PPM1H: variants seen among roughly 807,000 people sequenced by gnomAD.
PPM1H encodes protein phosphatase, Mg2+/Mn2+ dependent 1H.
In PPM1H, 27 loss-of-function variants were observed where a neutral mutation model predicts 54.9. The ratio of observed to expected loss-of-function variants is 0.49; its 90% CI spans 0.36 to 0.68. The LOEUF is 0.68. Among genes scored for constraint, PPM1H ranks in the 30% least tolerant of loss-of-function variants. The pLI, the probability that PPM1H is intolerant of heterozygous loss-of-function variation, is 0.00. For synonymous variants in PPM1H, 305 were observed against 270.8 expected, an observed-to-expected ratio of 1.13 and a Z score of -1.24; for missense variants, 596 against 667.8, an observed-to-expected ratio of 0.89 and a Z score of 1.19.
intron 3 of PPM1H, among the ~76,000 whole-genome samples, chr12:62,801,341 G>A (rs2076768011): frequency 4.0e-5 from 6 of 150,568 alleles, no homozygotes; most frequent in Admixed American, 2.6e-4. Flanking sequence ...TTTTTGAGAC[G>A]CAGTCTCGGT....
At position 62,720,208 on chromosome 12, in the gene PPM1H, T is replaced by G; in HGVS notation, c.1036A>C (p.Lys346Gln). 6.2e-7 allele frequency: 1 copy of G among 1,613,346 alleles called. No homozygotes were observed. The highest frequency in any genetic ancestry group is 8.5e-7 in the Non-Finnish European group (1 of 1,179,274). ...PRRVQRKELG[K>Q]KMLYRDFNMT... ...TTAAAGTCCCTGTAGAGCATCTTCT[T>G]TCCAAGCTCCTTTCTCTGTACTCTC... Residue 346 changes from lysine to glutamine, a missense_variant, in exon 6 of 10, where the codon AAG becomes CAG. Around this residue, in one of 3 missense-constraint regions of PPM1H, gnomAD observed 208 missense variants for 259.5 expected, o/e 0.80. Coordinates refer to ENST00000228705, the MANE Select transcript of PPM1H (RefSeq NM_020700.2).
intron 1 of PPM1H, among the ~76,000 whole-genome samples, chr12:62,886,171 G>A (rs1466082423): frequency 3.3e-5 from 5 of 152,084 alleles, no homozygotes; most frequent in Non-Finnish European, 7.3e-5. Context: ...TATTGTCTTT[G>A]GGCCTTTATA....
chr12:62,784,244 G>A (rs1174703874), intron 4 of PPM1H, among the ~76,000 whole-genome samples: 1 of 152,122 alleles, frequency 6.6e-6, no homozygotes, highest in Non-Finnish European at 1.5e-5. Context: ...AGGTACTCGC[G>A]TCACTGTGGA....
intron 8 of PPM1H, among the ~76,000 whole-genome samples, chr12:62,682,641 T>C (rs1201466148): frequency 1.3e-5 from 2 of 152,074 alleles, no homozygotes; most frequent in Non-Finnish European, 2.9e-5. Context: ...GTAGCTGAGA[T>C]TACAGGTGTG....
chr12:62,770,490 C>G (rs575627856), intron 4 of PPM1H, among the ~76,000 whole-genome samples: 2 of 152,220 alleles, frequency 1.3e-5, no homozygotes, highest in South Asian at 4.2e-4. Flanking sequence ...GTTTTACATA[C>G]TGGGCCTCTG....
chr12:62,805,099 C>T (rs1212619759), intron 2 of PPM1H, among the ~76,000 whole-genome samples: 1 of 152,092 alleles, frequency 6.6e-6, no homozygotes, highest in Non-Finnish European at 1.5e-5. Flanking sequence ...AAGTGGCTAA[C>T]AAGTATATGA....
intron 6 of PPM1H, among the ~76,000 whole-genome samples, chr12:62,697,250 C>T (rs2076119969): frequency 6.6e-6 from 1 of 152,024 alleles, no homozygotes; most frequent in Admixed American, 6.5e-5. Context: ...CCTTAGCCTC[C>T]CAAGTAGCTG....
intron 1 of PPM1H, among the ~76,000 whole-genome samples, chr12:62,837,769 G>A (rs936873916): frequency 1.3e-5 from 2 of 152,198 alleles, no homozygotes; most frequent in Non-Finnish European, 2.9e-5. Flanking sequence ...TACACCAAAT[G>A]CAAAGCTAGC....
At chr12:62,742,849 C>T (rs927100563) in intron 4 of PPM1H, among the ~76,000 whole-genome samples, 1 of 152,114 alleles carries the variant, frequency 6.6e-6, no homozygotes, top group African/African-American at 2.4e-5. Context: ...ATAACCATTC[C>T]CATACAGAGG....
intron 8 of PPM1H, among the ~76,000 whole-genome samples, chr12:62,676,803 C>T (rs935118242): frequency 5.3e-5 from 8 of 152,030 alleles, no homozygotes; most frequent in African/African-American, 1.4e-4. Flanking sequence ...GCCAGGGTGT[C>T]GTGGATGACA....
chr12:62,764,425 A>C (rs1246115785), intron 4 of PPM1H, among the ~76,000 whole-genome samples: 1 of 152,158 alleles, frequency 6.6e-6, no homozygotes, highest in Non-Finnish European at 1.5e-5. Flanking sequence ...AGCTATTCTG[A>C]ATAAAAACAT....
intron 1 of PPM1H, among the ~76,000 whole-genome samples, chr12:62,843,753 AT>A (rs1404198409): frequency 1.3e-5 from 2 of 151,180 alleles, no homozygotes; most frequent in African/African-American, 4.9e-5. Context: ...AAAGTACTTT[AT>A]TTTAACTGAA....
chr12:62,860,807 T>A (rs1232127569), intron 1 of PPM1H, among the ~76,000 whole-genome samples: 1 of 152,248 alleles, frequency 6.6e-6, no homozygotes, highest in East Asian at 1.9e-4. Context: ...GCAGTTTGAA[T>A]TGTTGCTATT....
intron 5 of PPM1H, among the ~76,000 whole-genome samples, chr12:62,735,952 T>G (rs1031658890): frequency 7.2e-5 from 11 of 152,094 alleles, no homozygotes; most frequent in African/African-American, 2.4e-4. Flanking sequence ...CTGGTGGCAG[T>G]GGTGGTGGTG....
chr12:62,774,272 A>G (rs1307213855), intron 4 of PPM1H, among the ~76,000 whole-genome samples: 1 of 151,982 alleles, frequency 6.6e-6, no homozygotes, highest in East Asian at 1.9e-4. Context: ...TAATCTCTGG[A>G]CTCCCAGCCC....
At chr12:62,858,662 A>T (rs337513) in intron 1 of PPM1H, among the ~76,000 whole-genome samples, 89,614 of 152,054 alleles carry the variant, frequency 0.59, 27,219 homozygotes, top group East Asian at 0.89. Flanking sequence ...CAAATTTTAC[A>T]CTGTGTCTAA....
chr12:62,831,451 A>C (rs1868355492), intron 2 of PPM1H, among the ~76,000 whole-genome samples: 1 of 152,062 alleles, frequency 6.6e-6, no homozygotes, highest in African/African-American at 2.4e-5. Context: ...GTGGTTTTTC[A>C]ACAGTGTTCA....
chr12:62,906,904 G>T (rs1483885874), intron 1 of PPM1H, among the ~76,000 whole-genome samples: 1 of 152,210 alleles, frequency 6.6e-6, no homozygotes, highest in African/African-American at 2.4e-5. Flanking sequence ...GAAATAAAAT[G>T]AATCTGAAAT....
chr12:62,748,245 A>G (rs2076423379), intron 4 of PPM1H, among the ~76,000 whole-genome samples: 1 of 151,932 alleles, frequency 6.6e-6, no homozygotes, highest in Non-Finnish European at 1.5e-5. Flanking sequence ...TCCGTCTCAA[A>G]AAAAAAAAAG....
Sources: allele counts gnomAD v4.1 joint callset (sites outside exome capture counted in the v4.1 genomes callset), GRCh38; gene constraint gnomAD v4.1.1; regional missense constraint gnomAD v4.1.1; transcripts MANE v1.5; gene names NCBI Gene and HGNC (gene_info 2026-07-23, HGNC 2026-07-21).